CCDC171: variants seen among roughly 807,000 people sequenced by gnomAD.
The protein encoded by CCDC171 is coiled-coil domain-containing protein 171.
Under a neutral mutation model 168.2 loss-of-function variants are expected in CCDC171, and 177 were observed. The ratio of observed to expected loss-of-function variants is 1.05; its 90% CI spans 0.93 to 1.19. The LOEUF (loss-of-function observed/expected upper bound fraction) is 1.19. Among genes scored for constraint, CCDC171 ranks in the 50% most tolerant of loss-of-function variants. The pLI is 0.00. For missense variants in CCDC171, 1,991 were observed against 1,539.0 expected (o/e 1.29, Z -4.91); for synonymous variants, 687 against 540.8 (o/e 1.27, Z -3.75).
chr9:16,031,628 A>T (rs1833365428), intron 6 of CCDC171, among the ~76,000 whole-genome samples: 1 of 152,210 alleles, frequency 6.6e-6, no homozygotes, highest in African/African-American at 2.4e-5. Context: ...CAGTTAAGCT[A>T]ATCACAGGTG....
chr9:15,592,676 A>G (rs768085188), intron 5 of CCDC171, among the ~76,000 whole-genome samples: 112 of 152,114 alleles, frequency 7.4e-4, no homozygotes, highest in Non-Finnish European at 1.4e-3. Flanking sequence ...CTGATATTAC[A>G]AGTCCTTGGA....
the CCDC171 span, among the ~76,000 whole-genome samples, chr9:16,084,177 C>T: frequency 2.6e-5 from 4 of 152,114 alleles, no homozygotes; most frequent in African/African-American, 4.8e-5. Flanking sequence ...CTTTAAATTG[C>T]GGAAACAGTT....
chr9:15,756,457 G>A (rs145292039), intron 18 of CCDC171, among the ~76,000 whole-genome samples: 23 of 152,236 alleles, frequency 1.5e-4, no homozygotes, highest in Non-Finnish European at 2.9e-4. Context: ...TGATGCTGAG[G>A]TTTGGGGTAC....
chr9:15,878,069 A>G (rs1818095177), intron 24 of CCDC171, among the ~76,000 whole-genome samples: 1 of 152,144 alleles, frequency 6.6e-6, no homozygotes, highest in Non-Finnish European at 1.5e-5. Context: ...CATAGGAACC[A>G]GCAAAGATTT....
At chr9:15,682,412 T>C (rs970234786) in intron 10 of CCDC171, among the ~76,000 whole-genome samples, 8 of 151,960 alleles carry the variant, frequency 5.3e-5, no homozygotes, top group Non-Finnish European at 1.0e-4. Flanking sequence ...TGTTGTCTTT[T>C]GGGGGTATTT....
intron 4 of CCDC171, among the ~76,000 whole-genome samples, chr9:15,584,784 A>G (rs187307403): frequency 7.3e-4 from 111 of 152,210 alleles, no homozygotes; most frequent in African/African-American, 2.6e-3. Flanking sequence ...CCCAGTAATT[A>G]CCTTTGGTGT....
intron 19 of CCDC171, among the ~76,000 whole-genome samples, chr9:15,778,464 C>A (rs1209178872): frequency 6.6e-6 from 1 of 150,990 alleles, no homozygotes; most frequent in East Asian, 1.9e-4. Flanking sequence ...CATGGTGAAA[C>A]CCCGCCTCTA....
intron 3 of CCDC171, among the ~76,000 whole-genome samples, chr9:15,999,675 A>G (rs1369470623): frequency 6.6e-6 from 1 of 152,192 alleles, no homozygotes; most frequent in Non-Finnish European, 1.5e-5. Flanking sequence ...AGGCTCCTCC[A>G]GCCCCTCCAT....
At chr9:16,092,954 G>T in the CCDC171 span, among the ~76,000 whole-genome samples, 1 of 152,184 alleles carries the variant, frequency 6.6e-6, no homozygotes, top group African/African-American at 2.4e-5. Flanking sequence ...GGTGGTCCTC[G>T]TGCTGGCAGA....
chr9:15,783,749 T>G (rs907758645), intron 20 of CCDC171, among the ~76,000 whole-genome samples: 5 of 152,164 alleles, frequency 3.3e-5, no homozygotes, highest in African/African-American at 1.2e-4. Context: ...CAGAGCAGAG[T>G]ACTGTGCCCT....
At chr9:16,064,250 T>C (rs908903789), downstream of CCDC171, among the ~76,000 whole-genome samples, 1 of 152,158 alleles carries the variant, frequency 6.6e-6, no homozygotes, top group Non-Finnish European at 1.5e-5. Flanking sequence ...GGCCGTTTTT[T>C]CCCCCTGAAT....
At chr9:15,617,303 T>G (rs1236539547) in intron 6 of CCDC171, among the ~76,000 whole-genome samples, 2 of 152,150 alleles carry the variant, frequency 1.3e-5, no homozygotes, top group African/African-American at 2.4e-5. Flanking sequence ...TTGTGCTGAC[T>G]TTTCCTTATC....
At chr9:15,912,090 C>G (rs769773060) in intron 24 of CCDC171, among the ~76,000 whole-genome samples, 64 of 152,080 alleles carry the variant, frequency 4.2e-4, no homozygotes, top group Non-Finnish European at 8.1e-4. Flanking sequence ...GTGAAGGAAG[C>G]CAATGGTGGC....
Position 15,819,134 on chromosome 9 carries a change from A to G in CCDC171, c.3268-27568A>G, listed in dbSNP as rs1249759266. On this transcript the variant is annotated intron_variant, in intron 21 of 25. Transcript: ENST00000380701. ...GGAGAAATAAAATCCTTTACAGACA[A>G]GCAAATGCTGAGAGATTTTGTCATC... is the stretch of plus-strand genomic sequence containing the variant. Among the ~76,000 whole-genome samples, 2 of 117,494 alleles carry G rather than the reference A, an allele frequency of 1.7e-5. 1 individual carries two copies. The highest frequency in any genetic ancestry group is 3.8e-5 in the Non-Finnish European group (2 of 52,432). The allele number at this position is 117,494 out of a possible 152,430, so 77.1% of individuals were successfully genotyped here.
At chr9:15,804,174 A>C (rs867372383) in intron 21 of CCDC171, among the ~76,000 whole-genome samples, 1 of 152,174 alleles carries the variant, frequency 6.6e-6, no homozygotes, top group Non-Finnish European at 1.5e-5. Flanking sequence ...TGTCATCTGC[A>C]AACAAAGATA....
intron 18 of CCDC171, among the ~76,000 whole-genome samples, chr9:15,751,865 T>C (rs2055766720): frequency 6.6e-6 from 1 of 152,138 alleles, no homozygotes; most frequent in Non-Finnish European, 1.5e-5. Flanking sequence ...ACTTCATGAC[T>C]ATAACACCAA....
intron 7 of CCDC171, among the ~76,000 whole-genome samples, chr9:15,640,635 A>G (rs1165062962): frequency 6.6e-6 from 1 of 152,124 alleles, no homozygotes; most frequent in Non-Finnish European, 1.5e-5. Context: ...CTTACATTTA[A>G]AAAGCCAACA....
chr9:15,792,098 C>G (rs1281457456), intron 21 of CCDC171, among the ~76,000 whole-genome samples: 2 of 152,136 alleles, frequency 1.3e-5, no homozygotes, highest in African/African-American at 4.8e-5. Context: ...GAATGGCTAA[C>G]TAGAATAACC....
intron 14 of CCDC171, among the ~76,000 whole-genome samples, chr9:15,727,396 T>C (rs879736958): frequency 9.9e-5 from 15 of 152,252 alleles, no homozygotes; most frequent in Non-Finnish European, 1.9e-4. Context: ...GGTATAACTT[T>C]TTTTCATCAG....
Sources: gnomAD v4.1 joint callset for allele counts (sites outside exome capture counted in the v4.1 genomes callset) on GRCh38, gnomAD v4.1.1 for gene constraint, MANE v1.5 for transcripts, NCBI Gene and HGNC (gene_info 2026-07-23, HGNC 2026-07-21) for gene names.